MYO1D: variants seen among roughly 807,000 people sequenced by gnomAD.
MYO1D encodes unconventional myosin-Id.
A neutral mutation model predicts 122.0 loss-of-function variants in MYO1D; 83 were observed. That is an observed-to-expected ratio of 0.68 (90% CI 0.57 to 0.82). The LOEUF is 0.82. MYO1D is among the 40% of genes least tolerant of loss of function. The probability of loss-of-function intolerance (pLI) is 0.00; values close to 1 mark genes in which losing one functional copy is unlikely to be tolerated. For missense variants in MYO1D, 1,157 were observed against 1,269.5 expected (o/e 0.91, Z 1.35); for synonymous variants, 464 against 446.9 (o/e 1.04, Z -0.48).
chr17:32,691,401 ATTCTTT>A lies in MYO1D; in HGVS notation c.2121+20581_2121+20586del, dbSNP rs1342919234. Among the ~76,000 whole-genome samples the A allele has an allele frequency of 7.4e-3, 1,068 of 143,578 alleles. 19 individuals carry two copies. The highest frequency in any genetic ancestry group is 0.027 in the African/African-American group (1,021 of 37,236). The allele number at this position is 143,578 out of a possible 152,430, so 94.2% of individuals were successfully genotyped here. A position where few individuals can be genotyped will look rare whatever the true frequency, so the allele number is the denominator to read the frequency against. On this transcript the variant is annotated intron_variant, in intron 16 of 21. Coordinates refer to ENST00000318217, the MANE Select transcript of MYO1D (RefSeq NM_015194.3). ...TGTCATGAGAAATGTTGCAAAGAAAATTCTTTTTTTTTTTTTTTTTTTTGAGATGGA... is the reference window on the plus strand; with the variant it reads ...TGTCATGAGAAATGTTGCAAAGAAAATTTTTTTTTTTTTTTTTGAGATGGA...
rs143422079 is a variant in MYO1D, at chr17:32,794,574, G to A, written c.96-13790C>T. Reference sequence around the variant, plus strand: ...ATTGTGCTGGGAGCCACAAGCAGAAGAATAAACAGCAGACTCATCTCCACC... The same window carrying A: ...ATTGTGCTGGGAGCCACAAGCAGAAAAATAAACAGCAGACTCATCTCCACC... On this transcript the variant is annotated intron_variant, in intron 1 of 21. Transcript: ENST00000318217. Among the ~76,000 whole-genome samples the A allele has an allele frequency of 4.4e-3, 666 of 152,006 alleles. 3 individuals carry two copies. The highest frequency in any genetic ancestry group is 6.6e-3 in the Non-Finnish European group (448 of 67,976).
At chr17:32,730,626 A>G (rs2089627270) in intron 14 of MYO1D, among the ~76,000 whole-genome samples, 1 of 152,124 alleles carries the variant, frequency 6.6e-6, no homozygotes. Context: ...ATTTTCTCTC[A>G]GCCTAATTGT....
At chr17:32,559,525 C>T (rs937205338) in intron 21 of MYO1D, among the ~76,000 whole-genome samples, 12 of 152,224 alleles carry the variant, frequency 7.9e-5, no homozygotes, top group African/African-American at 2.7e-4. Flanking sequence ...AATCCAGCTG[C>T]TTCTGTAGTT....
chr17:32,847,181 C>T (rs1181321229), intron 1 of MYO1D, among the ~76,000 whole-genome samples: 1 of 152,158 alleles, frequency 6.6e-6, no homozygotes, highest in Non-Finnish European at 1.5e-5. Flanking sequence ...ATTCTTCATA[C>T]ATGGCATGAA....
At chr17:32,834,399 T>A (rs1426265022) in intron 1 of MYO1D, among the ~76,000 whole-genome samples, 6 of 152,228 alleles carry the variant, frequency 3.9e-5, no homozygotes, top group Non-Finnish European at 7.3e-5. Flanking sequence ...AAACAGTGCC[T>A]GTGGGTAAGG....
chr17:32,748,482 A>G (rs1359869424), intron 12 of MYO1D, among the ~76,000 whole-genome samples: 1 of 152,082 alleles, frequency 6.6e-6, no homozygotes, highest in African/African-American at 2.4e-5. Context: ...CAGTGGGTTA[A>G]TTATTCCTAC....
intron 14 of MYO1D, among the ~76,000 whole-genome samples, chr17:32,730,395 T>C (rs976737244): frequency 1.3e-5 from 2 of 152,222 alleles, no homozygotes; most frequent in Admixed American, 6.5e-5. Context: ...TTCATTTACA[T>C]GCATCTACGT....
intron 19 of MYO1D, among the ~76,000 whole-genome samples, chr17:32,649,224 TAA>T (rs1244846171): frequency 6.6e-6 from 1 of 152,260 alleles, no homozygotes; most frequent in East Asian, 1.9e-4. Context: ...GGATCATTTT[TAA>T]GTGTATAGGT....
chr17:32,824,869 C>A (rs1474366847), intron 1 of MYO1D, among the ~76,000 whole-genome samples: 1 of 152,198 alleles, frequency 6.6e-6, no homozygotes, highest in Non-Finnish European at 1.5e-5. Flanking sequence ...TAGTAGCTGG[C>A]TGTCCAAATG....
intron 1 of MYO1D, among the ~76,000 whole-genome samples, chr17:32,850,938 T>C (rs77502848): frequency 6.8e-6 from 1 of 148,142 alleles, no homozygotes; most frequent in South Asian, 2.2e-4. Context: ...TTTTTTTTTT[T>C]CAGATGACCA....
intron 16 of MYO1D, among the ~76,000 whole-genome samples, chr17:32,662,987 G>A (rs1176701448): frequency 6.7e-6 from 1 of 148,334 alleles, no homozygotes; most frequent in Non-Finnish European, 1.5e-5. Context: ...GCGTGATCTT[G>A]GCTCACTGCA....
intron 1 of MYO1D, among the ~76,000 whole-genome samples, chr17:32,853,725 C>T (rs981184980): frequency 2.0e-5 from 3 of 152,152 alleles, no homozygotes; most frequent in Admixed American, 1.3e-4. Flanking sequence ...GGCTCACAAA[C>T]GAACAAAAAG....
At chr17:32,658,355 GAGA>G (rs1446728738) in intron 17 of MYO1D, among the ~76,000 whole-genome samples, 1 of 152,118 alleles carries the variant, frequency 6.6e-6, no homozygotes, top group Non-Finnish European at 1.5e-5. Flanking sequence ...GACTATATTT[GAGA>G]AGAAGTAGCT....
At chr17:32,500,953 G>A (rs1909297394) in intron 21 of MYO1D, among the ~76,000 whole-genome samples, 1 of 151,226 alleles carries the variant, frequency 6.6e-6, no homozygotes, top group East Asian at 1.9e-4. Flanking sequence ...AGCTTGTAGT[G>A]AGTCAAGATC....
chr17:32,786,027 T>C (rs1450713990), intron 1 of MYO1D, among the ~76,000 whole-genome samples: 3 of 152,178 alleles, frequency 2.0e-5, no homozygotes, highest in Non-Finnish European at 4.4e-5. Context: ...CTATGAAAAC[T>C]AGACCTAGTT....
intron 19 of MYO1D, among the ~76,000 whole-genome samples, chr17:32,645,775 T>C (rs959813502): frequency 2.6e-5 from 4 of 152,242 alleles, no homozygotes; most frequent in Non-Finnish European, 4.4e-5. Context: ...ATGACTTCTC[T>C]GCATTGGTTA....
chr17:32,846,329 TCA>T (rs1333930112), intron 1 of MYO1D, among the ~76,000 whole-genome samples: 2 of 152,328 alleles, frequency 1.3e-5, no homozygotes, highest in East Asian at 3.9e-4. Context: ...TATCATGTGA[TCA>T]CACACAGGAC....
intron 1 of MYO1D, among the ~76,000 whole-genome samples, chr17:32,819,885 A>G (rs1298221171): frequency 2.0e-5 from 3 of 152,246 alleles, no homozygotes; most frequent in Admixed American, 2.0e-4. Flanking sequence ...TTACACAACT[A>G]GCAAGTGGCT....
intron 15 of MYO1D, among the ~76,000 whole-genome samples, chr17:32,716,748 C>T (rs970790259): frequency 6.6e-6 from 1 of 152,242 alleles, no homozygotes; most frequent in African/African-American, 2.4e-5. Flanking sequence ...TGCTATCCTA[C>T]AGCCCCACTG....
Sources: gnomAD v4.1 joint callset for allele counts (sites outside exome capture counted in the v4.1 genomes callset) on GRCh38, gnomAD v4.1.1 for gene constraint, MANE v1.5 for transcripts, NCBI Gene and HGNC (gene_info 2026-07-23, HGNC 2026-07-21) for gene names.